ENDOD1: variants seen among roughly 807,000 people sequenced by gnomAD.
ENDOD1 encodes endonuclease domain containing 1.
A neutral mutation model predicts 6.5 loss-of-function variants in ENDOD1; 9 were observed. The ratio of observed to expected loss-of-function variants is 1.39; its 90% CI spans 0.84 to 2.43. The LOEUF (loss-of-function observed/expected upper bound fraction) is 2.43, where lower values mean the gene tolerates loss of function less well. Among genes scored for constraint, ENDOD1 ranks in the 30% most tolerant of loss-of-function variants. The pLI is 0.00. For missense variants in ENDOD1, 648 were observed against 635.5 expected, an observed-to-expected ratio of 1.02 and a Z score of -0.21; for synonymous variants, 255 against 255.2, an observed-to-expected ratio of 1.00 and a Z score of 0.01.
chr11:95,117,951 A>G (rs1380502759), intron 1 of ENDOD1, among the ~76,000 whole-genome samples: 3 of 152,114 alleles, frequency 2.0e-5, no homozygotes, highest in East Asian at 3.8e-4. Flanking sequence ...TGAGGTTACC[A>G]TGAGGCTTGC....
chr11:95,113,710 G>A (rs975029750), intron 1 of ENDOD1, among the ~76,000 whole-genome samples: 1 of 152,182 alleles, frequency 6.6e-6, no homozygotes, highest in Non-Finnish European at 1.5e-5. Context: ...CAACAAACAC[G>A]GAAGTGCAGG....
intron 1 of ENDOD1, 68 bp downstream of exon 1, chr11:95,090,295 T>G (rs1858916610): frequency 7.4e-7 from 1 of 1,347,422 alleles, no homozygotes; most frequent in South Asian, 1.8e-5. Flanking sequence ...TGCCCCCAGT[T>G]GCAGCTACCG....
chr11:95,110,157 TG>T (rs1859133098), intron 1 of ENDOD1, among the ~76,000 whole-genome samples: 1 of 152,244 alleles, frequency 6.6e-6, no homozygotes, highest in Non-Finnish European at 1.5e-5. Context: ...ATTTTCCCTA[TG>T]CTCTTGGCCC....
chr11:95,095,866 A>G (rs1385972956), intron 1 of ENDOD1, among the ~76,000 whole-genome samples: 1 of 152,210 alleles, frequency 6.6e-6, no homozygotes, highest in Non-Finnish European at 1.5e-5. Flanking sequence ...ATTCTCTATC[A>G]CACTATTTTC....
chr11:95,098,267 A>G (rs1555110516), intron 1 of ENDOD1, among the ~76,000 whole-genome samples: 1 of 152,230 alleles, frequency 6.6e-6, no homozygotes, highest in Non-Finnish European at 1.5e-5. Context: ...TCTGCTGTAC[A>G]ATGTAATGCC....
At chr11:95,128,350 A>G in intron 1 of ENDOD1, 27 bp from the exon 2 acceptor site, 1 of 1,595,490 alleles carries the variant, frequency 6.3e-7, no homozygotes, top group Non-Finnish European at 8.5e-7. Flanking sequence ...GCAGGGATGC[A>G]TCTCACCACT....
intron 1 of ENDOD1, among the ~76,000 whole-genome samples, chr11:95,104,599 T>C (rs1204932169): frequency 1.3e-5 from 2 of 152,274 alleles, no homozygotes; most frequent in South Asian, 2.1e-4. Flanking sequence ...ATAAGGATGG[T>C]ATTTCTGATA....
intron 1 of ENDOD1, among the ~76,000 whole-genome samples, chr11:95,095,319 C>T (rs1858973609): frequency 8.9e-6 from 1 of 112,150 alleles, no homozygotes; most frequent in Non-Finnish European, 1.9e-5. Context: ...CCCTCTCTGT[C>T]CTGGAAAACC....
chr11:95,120,216 T>G (rs181013585), intron 1 of ENDOD1, among the ~76,000 whole-genome samples: 80 of 152,180 alleles, frequency 5.3e-4, no homozygotes, highest in Non-Finnish European at 1.0e-3. Flanking sequence ...TTTCCTCCAC[T>G]TTTCTTGGGC....
At position 95,098,502 on chromosome 11, in the gene ENDOD1, C is replaced by T. The variant is rs954119588; in HGVS notation, c.300+8275C>T. Reference sequence around the variant, plus strand: ...GATGGGTTATTACATATTTATTGCACATTTAATTCATCACATTAAATATGT... The same window carrying T: ...GATGGGTTATTACATATTTATTGCATATTTAATTCATCACATTAAATATGT... On this transcript the variant is annotated intron_variant, in intron 1 of 1. Transcript: ENST00000278505. Among the ~76,000 whole-genome samples, 3 of 152,186 alleles carry T rather than the reference C, an allele frequency of 2.0e-5. No homozygotes were observed. In the South Asian group the frequency reaches 6.2e-4, roughly 31 times the overall value.
At chr11:95,110,720 T>G (rs1327520755) in intron 1 of ENDOD1, among the ~76,000 whole-genome samples, 2 of 152,154 alleles carry the variant, frequency 1.3e-5, no homozygotes, top group African/African-American at 4.8e-5. Context: ...CTTATCCTCC[T>G]GTACATTCTA....
At chr11:95,108,494 AACACACACACACACAC>A (rs34439162) in intron 1 of ENDOD1, among the ~76,000 whole-genome samples, 3 of 146,408 alleles carry the variant, frequency 2.0e-5, no homozygotes, top group Admixed American at 6.8e-5. Context: ...CTCTTTTCTA[AACACACACACACACAC>A]ACACACACAC....
At chr11:95,102,390 G>A (rs1555110979) in intron 1 of ENDOD1, among the ~76,000 whole-genome samples, 1 of 150,936 alleles carries the variant, frequency 6.6e-6, no homozygotes, top group East Asian at 1.9e-4. Context: ...AAAAAAAGGT[G>A]GGCAGGCATG....
intron 1 of ENDOD1, 96 bp downstream of exon 1, chr11:95,090,323 A>G (rs1858917074): frequency 7.5e-7 from 1 of 1,335,690 alleles, no homozygotes; most frequent in Non-Finnish European, 9.6e-7. Context: ...CGGGCCGGGA[A>G]CAGCAATCCC....
At chr11:95,121,991 T>C (rs186830273) in intron 1 of ENDOD1, among the ~76,000 whole-genome samples, 2 of 152,300 alleles carry the variant, frequency 1.3e-5, no homozygotes, top group East Asian at 3.9e-4. Context: ...TGTGTGCAAA[T>C]GAGCAGGTAT....
At chr11:95,120,833 C>G (rs1287583505) in intron 1 of ENDOD1, among the ~76,000 whole-genome samples, 5 of 152,202 alleles carry the variant, frequency 3.3e-5, no homozygotes, top group South Asian at 4.1e-4. Context: ...TGTGGAAAAT[C>G]AAGTTCCAAC....
Position 95,090,124 on chromosome 11 carries a change from C to T in ENDOD1, c.197C>T (p.Ala66Val), listed in dbSNP as rs781990659. ...CQRAEGAERFATLYSTRDRIP... is the reference protein window; with the variant it reads ...CQRAEGAERFVTLYSTRDRIP... ...CGCGCGGAGGGTGCTGAGCGCTTCG[C>T]CACCCTCTACAGCACCCGGGACCGC... is the stretch of plus-strand genomic sequence containing the variant. The change falls in exon 1 of 2, where the codon GCC (alanine) becomes GTC (valine). Residue 66 changes from alanine (A) to valine (V), a missense_variant. Ala to Val is a moderately conservative substitution (Grantham distance 64). Coordinates refer to ENST00000278505, the MANE Select transcript of ENDOD1 (RefSeq NM_015036.3). 1.3e-6 allele frequency: 2 copies of T among 1,559,274 alleles called. No homozygotes were observed. Among genetic ancestry groups the T allele is most frequent in the Admixed American group, 1.9e-5 (1 of 53,910 alleles).
intron 1 of ENDOD1, among the ~76,000 whole-genome samples, chr11:95,098,872 C>T (rs1453545203): frequency 6.6e-6 from 1 of 152,182 alleles, no homozygotes; most frequent in Non-Finnish European, 1.5e-5. Context: ...CACCAGAGCA[C>T]ACATGGACTG....
intron 1 of ENDOD1, among the ~76,000 whole-genome samples, chr11:95,123,437 G>T (rs1859281767): frequency 6.6e-6 from 1 of 151,996 alleles, no homozygotes; most frequent in Admixed American, 6.6e-5. Flanking sequence ...TTACAACGTG[G>T]CCAATGTGAT....
Sources: allele counts gnomAD v4.1 joint callset (sites outside exome capture counted in the v4.1 genomes callset), GRCh38; gene constraint gnomAD v4.1.1; transcripts MANE v1.5; gene names NCBI Gene and HGNC (gene_info 2026-07-23, HGNC 2026-07-21).